The following PAX3 variants were observed in gnomAD, a reference collection of about 807,000 sequenced individuals.
PAX3 encodes the protein paired box protein Pax-3.
A neutral mutation model predicts 51.6 loss-of-function variants in PAX3; 14 were observed. The observed-to-expected ratio is 0.27, with a 90% CI of 0.18 to 0.42. PAX3 has a LOEUF of 0.42. Ranked by LOEUF, PAX3 falls within the 10% of genes least tolerant of loss-of-function variation. The pLI is 1.00. For synonymous variants in PAX3, 280 were observed against 253.4 expected (o/e 1.11, Z -1.00); for missense variants, 540 against 642.8 (o/e 0.84, Z 1.73).
At chr2:222,224,075 A>G (rs547142685) in intron 5 of PAX3, among the ~76,000 whole-genome samples, 102 of 152,358 alleles carry the variant, frequency 6.7e-4, no homozygotes, top group African/African-American at 2.3e-3. Context: ...GAATCCAAAC[A>G]GAGTAAGAGT....
chr2:222,294,103 T>C, intron 4 of PAX3, 64 bp downstream of exon 4: 3 of 1,608,854 alleles, frequency 1.9e-6, no homozygotes, highest in Non-Finnish European at 2.5e-6. Flanking sequence ...AGATCACCAA[T>C]GTCAGCTAGC....
intron 4 of PAX3, among the ~76,000 whole-genome samples, chr2:222,284,326 C>T (rs183524291): frequency 1.5e-4 from 23 of 152,188 alleles, no homozygotes; most frequent in African/African-American, 3.9e-4. Context: ...AAAAAAGCAA[C>T]GTATTTGTCA....
At chr2:222,204,494 T>A (rs1317451387) in intron 7 of PAX3, among the ~76,000 whole-genome samples, 4 of 152,160 alleles carry the variant, frequency 2.6e-5, no homozygotes, top group Non-Finnish European at 5.9e-5. Context: ...GACATTTCTT[T>A]TAGAAGAAAA....
intron 7 of PAX3, among the ~76,000 whole-genome samples, chr2:222,209,095 T>A (rs959607793): frequency 6.6e-6 from 1 of 152,290 alleles, no homozygotes; most frequent in Middle Eastern, 3.4e-3. Flanking sequence ...CTATATATAC[T>A]ATATTCCCAT....
At chr2:222,240,871 G>A (rs1692988125) in intron 4 of PAX3, among the ~76,000 whole-genome samples, 2 of 152,152 alleles carry the variant, frequency 1.3e-5, no homozygotes, top group East Asian at 1.9e-4. Flanking sequence ...GTTTTTAACG[G>A]CTTTTTAAAA....
chr2:222,238,942 G>A (rs1442754260), intron 4 of PAX3, among the ~76,000 whole-genome samples: 1 of 152,160 alleles, frequency 6.6e-6, no homozygotes, highest in Non-Finnish European at 1.5e-5. Context: ...GCCATTCAAC[G>A]TGAAGGGTAC....
intron 7 of PAX3, among the ~76,000 whole-genome samples, chr2:222,211,569 G>T (rs1339882601): frequency 1.3e-5 from 2 of 151,890 alleles, no homozygotes; most frequent in Non-Finnish European, 2.9e-5. Context: ...TGAGACAGAA[G>T]ACACCATCAG....
intron 4 of PAX3, among the ~76,000 whole-genome samples, chr2:222,239,329 G>GTTT (rs5838942): frequency 0.066 from 9,810 of 149,742 alleles, 601 homozygotes; most frequent in Admixed American, 0.2. Context: ...GTTGGGGTGG[G>GTTT]TTTTTTTTTC....
Position 222,212,947 on chromosome 2 carries a change from T to G in PAX3, c.1173+7193A>C, listed in dbSNP as rs542626776. On this transcript the variant is annotated intron_variant, in intron 7 of 8. Transcript: ENST00000392070. The stretch of plus-strand genomic sequence containing the variant: ...AGACTAAGCAATAATGCTCATTTTT[T>G]TTCGACTCAAAAGCTGGAGGAATTC... Among the ~76,000 whole-genome samples the G allele has an allele frequency of 9.8e-5, 15 of 152,304 alleles. No homozygotes were observed. The East Asian group carries it at 2.7e-3, about 27-fold the overall frequency.
In PAX3 at chr2:222,219,475, A is replaced by G. The variant is rs142944997; in HGVS notation, c.1173+665T>C. ...AAATTTAACCAACCCTCTCACATGC[A>G]ATTATCAAGGCAATTTATTAATGTG... On this transcript the variant is annotated intron_variant, in intron 7 of 8. Coordinates refer to ENST00000392070, the MANE Select transcript of PAX3 (RefSeq NM_181458.4). Among the ~76,000 whole-genome samples, 9 of 152,322 alleles carry G rather than the reference A, an allele frequency of 5.9e-5. No homozygotes were observed. The East Asian group carries it at 1.7e-3, about 29-fold the overall frequency.
At chr2:222,290,384 T>G (rs1694985648) in intron 4 of PAX3, among the ~76,000 whole-genome samples, 1 of 152,134 alleles carries the variant, frequency 6.6e-6, no homozygotes, top group Admixed American at 6.5e-5. Context: ...TTTGTAAACG[T>G]CAAATAAGAG....
At chr2:222,219,368 C>A (rs1692093899) in intron 7 of PAX3, among the ~76,000 whole-genome samples, 1 of 152,112 alleles carries the variant, frequency 6.6e-6, no homozygotes, top group African/African-American at 2.4e-5. Flanking sequence ...CCACCTGGGC[C>A]AAGCACTCTC....
At chr2:222,253,708 T>A (rs6436307) in intron 4 of PAX3, among the ~76,000 whole-genome samples, 17,384 of 151,892 alleles carry the variant, frequency 0.11, 1,218 homozygotes, top group East Asian at 0.32. Flanking sequence ...TGGAGTGCAG[T>A]GTCATGATCC....
At chr2:222,241,181 T>C (rs537831744) in intron 4 of PAX3, among the ~76,000 whole-genome samples, 16 of 152,176 alleles carry the variant, frequency 1.1e-4, no homozygotes, top group African/African-American at 3.4e-4. Context: ...ATTTGCACAC[T>C]GAAGGGGAAC....
intron 4 of PAX3, among the ~76,000 whole-genome samples, chr2:222,258,883 A>G (rs1693743486): frequency 6.6e-6 from 1 of 152,066 alleles, no homozygotes; most frequent in Non-Finnish European, 1.5e-5. Flanking sequence ...TGATGCTGAG[A>G]TTTCTTTTTT....
intron 4 of PAX3, among the ~76,000 whole-genome samples, chr2:222,272,981 G>A (rs540605944): frequency 1.1e-4 from 16 of 152,118 alleles, no homozygotes; most frequent in Non-Finnish European, 1.8e-4. Context: ...TTTCTGAACC[G>A]TATTCATGTT....
chr2:222,239,374 C>A (rs78605952), intron 4 of PAX3, among the ~76,000 whole-genome samples: 9,741 of 151,648 alleles, frequency 0.064, 463 homozygotes, highest in African/African-American at 0.14. Flanking sequence ...GAAATGGATA[C>A]ACAGTAGGGG....
chr2:222,272,992 C>G (rs1419136162), intron 4 of PAX3, among the ~76,000 whole-genome samples: 2 of 152,144 alleles, frequency 1.3e-5, no homozygotes, highest in Non-Finnish European at 2.9e-5. Context: ...TATTCATGTT[C>G]ATTGTGAAAG....
rs375927745 is a variant in PAX3 at position 222,221,210 on chromosome 2, C to G, written c.958+12G>C. ...AAGTTACTTTCTAATCTCCTTGACT[C>G]TTCCTCGGTACCTTGTGGAATAGAT... On this transcript the variant is annotated intron_variant, in intron 6 of 8. Coordinates refer to ENST00000392070, the MANE Select transcript of PAX3 (RefSeq NM_181458.4). 16 of 1,613,696 alleles carry G rather than the reference C, an allele frequency of 9.9e-6. No individual in the cohort carries two copies. The South Asian group carries it at 1.8e-4, about 18-fold the overall frequency.
Sources: gnomAD v4.1 joint callset for allele counts (sites outside exome capture counted in the v4.1 genomes callset) on GRCh38, gnomAD v4.1.1 for gene constraint, MANE v1.5 for transcripts, NCBI Gene and HGNC (gene_info 2026-07-23, HGNC 2026-07-21) for gene names.